The following DOCK6 variants were observed in gnomAD, a reference collection of about 807,000 sequenced individuals.
DOCK6 encodes the protein dedicator of cytokinesis protein 6.
In DOCK6, 167 loss-of-function variants were observed where a neutral mutation model predicts 230.3. The observed-to-expected ratio is 0.73, with a 90% CI of 0.64 to 0.82. DOCK6 has a LOEUF of 0.82. Among genes scored for constraint, DOCK6 ranks in the 40% least tolerant of loss-of-function variants. DOCK6 has a pLI of 0.00. For missense variants in DOCK6, 2,598 were observed against 2,825.8 expected, an observed-to-expected ratio of 0.92 and a Z score of 1.83; for synonymous variants, 1,148 against 1,185.0, an observed-to-expected ratio of 0.97 and a Z score of 0.64.
At chr19:11,210,297 T>G (rs981794720) in intron 37 of DOCK6, among the ~76,000 whole-genome samples, 1 of 143,982 alleles carries the variant, frequency 6.9e-6, no homozygotes, top group Admixed American at 7.0e-5. Flanking sequence ...TCTTCACCTG[T>G]CCACCCCTCA....
At chr19:11,213,795 CA>C (rs2079433996) in intron 34 of DOCK6, among the ~76,000 whole-genome samples, 3 of 146,084 alleles carry the variant, frequency 2.1e-5, no homozygotes, top group South Asian at 4.4e-4. Context: ...CTCTGGCTAA[CA>C]TTTTTTTTTT....
intron 28 of DOCK6, among the ~76,000 whole-genome samples, chr19:11,220,266 A>G (rs17699030): frequency 0.036 from 5,426 of 152,190 alleles, 141 homozygotes; most frequent in East Asian, 0.11. Context: ...AAAAGCTACA[A>G]TTTTATCCTC....
At chr19:11,228,161 C>T (rs2079700684) in intron 23 of DOCK6, among the ~76,000 whole-genome samples, 1 of 152,072 alleles carries the variant, frequency 6.6e-6, no homozygotes, top group East Asian at 1.9e-4. Flanking sequence ...CAGGCACGCA[C>T]TACTACGCCC....
chr19:11,214,404 C>T lies in DOCK6; in HGVS notation c.4209G>A (p.Val1403=), dbSNP rs2147755660. ...LDTLEIIVQT[V]MLSEARESVL... ...CGCTCTCCCGGGCTTCTGAAAGCATCACCGTCTGGAGGGAAGGGGGTCAGA... is the reference window on the plus strand; with the variant it reads ...CGCTCTCCCGGGCTTCTGAAAGCATTACCGTCTGGAGGGAAGGGGGTCAGA... The change falls in exon 34 of 48, where the codon GTG becomes GTA. Residue 1403 remains valine, a synonymous_variant. Coordinates refer to ENST00000294618, the MANE Select transcript of DOCK6 (RefSeq NM_020812.4). The T allele has an allele frequency of 6.2e-7, 1 of 1,613,738 alleles. No individual in the cohort carries two copies. The highest frequency in any genetic ancestry group is 2.2e-5 in the East Asian group (1 of 44,868).
In DOCK6 at chr19:11,209,014, G is replaced by A; in HGVS notation, c.4841C>T (p.Ala1614Val). Residue 1614 changes from alanine to valine, a missense_variant, in exon 38 of 48, where the codon GCC becomes GTC. Coordinates refer to ENST00000294618, the MANE Select transcript of DOCK6 (RefSeq NM_020812.4). ...GTGCACCATGCACTGGGCGGCCTCG[G>A]CGTGGTTGCCCAGCTCCGCGTGCTT... ...AGKHAELGNHAEAAQCMVHAA... is the reference protein window; with the variant it reads ...AGKHAELGNHVEAAQCMVHAA... 1.9e-6 allele frequency: 3 copies of A among 1,611,722 alleles called. No individual in the cohort carries two copies. Among genetic ancestry groups the A allele is most frequent in the South Asian group, 1.1e-5 (1 of 90,950 alleles).
At chr19:11,219,730 C>A (rs578019151) in intron 28 of DOCK6, among the ~76,000 whole-genome samples, 1 of 150,140 alleles carries the variant, frequency 6.7e-6, no homozygotes, top group African/African-American at 2.4e-5. Context: ...GCAGAGCTTG[C>A]AGTGAGCCGA....
At chr19:11,218,874 CTTT>C (rs74180011) in intron 28 of DOCK6, among the ~76,000 whole-genome samples, 2 of 104,976 alleles carry the variant, frequency 1.9e-5, no homozygotes, top group Non-Finnish European at 3.6e-5. Flanking sequence ...AAAAAAATCA[CTTT>C]TTTTTTTTTT....
In DOCK6 at chr19:11,245,658, GA is replaced by G; in HGVS notation, c.927del (p.Arg310GlyfsTer20). 1 of 1,609,220 alleles carries G rather than the reference GA, an allele frequency of 6.2e-7. No homozygotes were observed. Among genetic ancestry groups the G allele is most frequent in the Non-Finnish European group, 8.5e-7 (1 of 1,177,808 alleles). On this transcript the variant is annotated frameshift_variant, in exon 9 of 48. Transcript: ENST00000294618. LOFTEE classifies it high-confidence loss of function. ...ATGGCAGGGTGGGTGCCATGAGCCC[GA>G]AGCAGCCCCTTCATGGAGTCCGAGT... Reference protein sequence around the residue: ...DLNSDSMKGLLRAHGTHPAIS... With the variant: ...DLNSDSMKGLXRAHGTHPAIS...
Position 11,216,970 on chromosome 19 carries a change from G to A in DOCK6, c.3838C>T (p.Gln1280Ter). 1 of 1,613,510 alleles carries A rather than the reference G, an allele frequency of 6.2e-7. No individual in the cohort carries two copies. Among genetic ancestry groups the A allele is most frequent in the South Asian group, 1.1e-5 (1 of 91,072 alleles). ...AGCAAATCCAACAGACGTCCCAGCTGGGGGAGTGTCAGGTCAGTGGCCCAG... is the reference window on the plus strand; with the variant it reads ...AGCAAATCCAACAGACGTCCCAGCTAGGGGAGTGTCAGGTCAGTGGCCCAG... Reference protein sequence around the residue: ...QRWATDLTLPQLGRLLDLLYL... With the variant: ...QRWATDLTLP Residue 1280 changes from glutamine to a stop codon, truncating the protein, a stop_gained, in exon 30 of 48, where the codon CAG becomes TAG. Coordinates refer to ENST00000294618, the MANE Select transcript of DOCK6 (RefSeq NM_020812.4). LOFTEE classifies it high-confidence loss of function.
At chr19:11,219,729 G>C (rs1015228903) in intron 28 of DOCK6, among the ~76,000 whole-genome samples, 1 of 150,904 alleles carries the variant, frequency 6.6e-6, no homozygotes, top group African/African-American at 2.4e-5. Flanking sequence ...GGCAGAGCTT[G>C]CAGTGAGCCG....
In DOCK6 at chr19:11,214,543, C is replaced by T. The variant is rs748104550; in HGVS notation, c.4203+10G>A. The T allele has an allele frequency of 6.2e-7, 1 of 1,613,896 alleles. No individual in the cohort carries two copies. The highest frequency in any genetic ancestry group is 1.1e-5 in the South Asian group (1 of 91,084). On this transcript the variant is annotated intron_variant, in intron 33 of 47. Coordinates refer to ENST00000294618, the MANE Select transcript of DOCK6 (RefSeq NM_020812.4). Reference sequence around the variant, plus strand: ...TCAGAGCACAAGGCAGATGCTGGATCAAGCCCTACCTGCACGATGATCTCC... The same window carrying T: ...TCAGAGCACAAGGCAGATGCTGGATTAAGCCCTACCTGCACGATGATCTCC...
rs551861467 is a variant in DOCK6, at chr19:11,230,339, CA to C, written c.2719-1305del. On this transcript the variant is annotated intron_variant, in intron 22 of 47. Transcript: ENST00000294618. The stretch of plus-strand genomic sequence containing the variant: ...GAGTGATAAGAGCGAGACTCCGTCT[CA>C]AAAAAAAAAGAACGTGATGGAGGAG... 1.8e-3 allele frequency among the ~76,000 whole-genome samples: 263 copies of C among 146,940 alleles called. 1 individual carries two copies. The highest frequency in any genetic ancestry group is 0.01 in the Middle Eastern group (3 of 288).
In DOCK6 at chr19:11,237,475, T is replaced by G. The variant is rs1028682512; in HGVS notation, c.2054A>C (p.Tyr685Ser). The change falls in exon 18 of 48, where the codon TAT becomes TCT. Residue 685 changes from tyrosine (Y) to serine (S), a missense_variant. By Grantham distance (144) the Tyr-to-Ser change is moderately radical. Transcript: ENST00000294618. ...PVSVDQPPPS[Y>S]SVLTPDVALP... The stretch of plus-strand genomic sequence containing the variant: ...ACATACATCGGGTGTGAGCACGGAA[T>G]AGCTGGGCGGCGGCTGGTCCACAGA... 6.2e-7 allele frequency: 1 copy of G among 1,613,476 alleles called. No homozygotes were observed. Among genetic ancestry groups the G allele is most frequent in the Admixed American group, 1.7e-5 (1 of 59,988 alleles).
chr19:11,216,687 G>GT, intron 30 of DOCK6: 1 of 541,408 alleles, frequency 1.8e-6, no homozygotes, highest in Non-Finnish European at 3.3e-6. Flanking sequence ...GGGATTACAG[G>GT]TGTGAGCCAC....
intron 28 of DOCK6, chr19:11,221,559 C>A: frequency 2.5e-6 from 1 of 394,556 alleles, no homozygotes; most frequent in Non-Finnish European, 4.6e-6. Flanking sequence ...ATAAATGGTA[C>A]AATAATATCT....
intron 1 of DOCK6, among the ~76,000 whole-genome samples, chr19:11,254,460 G>A (rs949251645): frequency 6.6e-6 from 1 of 152,162 alleles, no homozygotes; most frequent in Non-Finnish European, 1.5e-5. Context: ...TTGAGAGGCT[G>A]AGGCAGGCGG....
In DOCK6 at chr19:11,233,340, C is replaced by T. The variant is rs542684252; in HGVS notation, c.2581G>A (p.Ala861Thr). The change falls in exon 22 of 48, where the codon GCC becomes ACC. Residue 861 changes from alanine to threonine, a missense_variant. Physicochemically the swap from Ala to Thr is moderately conservative, Grantham distance 58 (BLOSUM62 0). Transcript: ENST00000294618. The stretch of plus-strand genomic sequence containing the variant: ...CGACCAGAGCCACGGGCCAGTGTGG[C>T]AGCCTGCACTGTCACTGGAGGGGCC... ...DGAPPVTVQA[A>T]TLARGSGRPA... 96 of 1,613,802 alleles carry T rather than the reference C, an allele frequency of 5.9e-5. 1 individual carries two copies. In the South Asian group the frequency reaches 1.0e-3, roughly 17 times the overall value.
chr19:11,243,098 G>T lies in DOCK6; in HGVS notation c.1441C>A (p.Arg481Ser). ...AGTCGCCGCAGCAGGGACGACGGGC[G>T]CCTCATGTCAGCCAGGAACTTGAAG... ...DLFKFLADMRRPSSLLRRLRP... is the reference protein window; with the variant it reads ...DLFKFLADMRSPSSLLRRLRP... The change falls in exon 13 of 48, where the codon CGC becomes AGC. Residue 481 changes from arginine to serine, a missense_variant. Physicochemically the swap from Arg to Ser is moderately radical, Grantham distance 110. Coordinates refer to ENST00000294618, the MANE Select transcript of DOCK6 (RefSeq NM_020812.4). The surrounding 1 kb of genome is among the most constrained non-coding windows in gnomAD (Gnocchi z 6.3). 1 of 1,613,922 alleles carries T rather than the reference G, an allele frequency of 6.2e-7. No individual in the cohort carries two copies. Among genetic ancestry groups the T allele is most frequent in the Non-Finnish European group, 8.5e-7 (1 of 1,179,884 alleles).
chr19:11,232,127 G>A, intron 22 of DOCK6: 1 of 1,221,798 alleles, frequency 8.2e-7, no homozygotes, highest in South Asian at 1.3e-5. Context: ...CCAGGAAGGT[G>A]GGAGGAGCTC....
Sources: gnomAD v4.1 joint callset for allele counts (sites outside exome capture counted in the v4.1 genomes callset) on GRCh38, gnomAD v4.1.1 for gene constraint, Gnocchi (gnomAD v3.1) non-coding constraint, MANE v1.5 for transcripts, NCBI Gene and HGNC (gene_info 2026-07-23, HGNC 2026-07-21) for gene names.